MRS2: variants seen among roughly 807,000 people sequenced by gnomAD.
MRS2 encodes magnesium transporter MRS2, also known as magnesium transporter MRS2 homolog, mitochondrial.
Under a neutral mutation model 52.6 loss-of-function variants are expected in MRS2, and 40 were observed. The observed-to-expected ratio is 0.76, with a 90% CI of 0.59 to 0.99. The LOEUF (loss-of-function observed/expected upper bound fraction) is 0.99. MRS2 is among the 50% of genes least tolerant of loss of function. The probability of loss-of-function intolerance (pLI) is 0.00; values close to 1 mark genes in which losing one functional copy is unlikely to be tolerated. For synonymous variants in MRS2, 193 were observed against 195.9 expected (o/e 0.98, Z 0.13); for missense variants, 472 against 532.7 (o/e 0.89, Z 1.12).
chr6:24,423,596 C>A lies in MRS2; in HGVS notation c.1234C>A (p.Pro412Thr). ...APLPPMMASL[P>T]KKTLLADRSM... is the part of the protein sequence containing the mutation. ...CTGCTTTATTTAGATGGCTTCTTTA[C>A]CTAAAAAGACTCTTCTGGCAGATAG... Residue 412 changes from proline (P) to threonine (T), a missense_variant, in exon 11 of 11, where the codon CCT becomes ACT. Transcript: ENST00000378386. 6.3e-7 allele frequency: 1 copy of A among 1,596,550 alleles called. No individual in the cohort carries two copies. Among genetic ancestry groups the A allele is most frequent in the Non-Finnish European group, 8.6e-7 (1 of 1,166,206 alleles).
Position 24,424,320 on chromosome 6 carries a change from C to CTT in MRS2, c.*628_*629dup, listed in dbSNP as rs1762156694. The CTT allele has an allele frequency of 1.3e-5, 2 of 151,308 alleles. No individual in the cohort carries two copies. The highest frequency in any genetic ancestry group is 2.9e-5 in the Non-Finnish European group (2 of 68,014). The allele number at this position is 151,308 out of a possible 1,614,324, so 9.4% of individuals were successfully genotyped here. On this transcript the variant is annotated 3_prime_UTR_variant, in exon 11 of 11. Coordinates refer to ENST00000378386, the MANE Select transcript of MRS2 (RefSeq NM_020662.4). Reference sequence around the variant, plus strand: ...GTTCTCAGCCCCTGAGACTAGTTTTCTTTGCTCTCTGTAATTAGAGCCTTT... The same window carrying CTT: ...GTTCTCAGCCCCTGAGACTAGTTTTCTTTTTGCTCTCTGTAATTAGAGCCTTT...
intron 9 of MRS2, among the ~76,000 whole-genome samples, chr6:24,422,064 C>T (rs111608618): frequency 0.012 from 1,753 of 152,284 alleles, 11 homozygotes; most frequent in Middle Eastern, 0.024. Context: ...GCACAAGAAT[C>T]GCTTGAATCA....
intron 10 of MRS2, 66 bp downstream of exon 10, chr6:24,423,116 C>A: frequency 7.6e-7 from 1 of 1,311,928 alleles, no homozygotes; most frequent in Non-Finnish European, 1.1e-6. Context: ...AAAGTCAGAG[C>A]GCCTGGGATT....
Position 24,406,037 on chromosome 6 carries a change from G to A in MRS2, c.264+796G>A, listed in dbSNP as rs543413518. ...GGAGAATGGCATGAACCCAGGAGGCGGAGCTTGCAGTGAGCCTGGATCATG... is the reference window on the plus strand; with the variant it reads ...GGAGAATGGCATGAACCCAGGAGGCAGAGCTTGCAGTGAGCCTGGATCATG... On this transcript the variant is annotated intron_variant, in intron 2 of 10. Transcript: ENST00000378386. Among the ~76,000 whole-genome samples, 41 of 150,604 alleles carry A rather than the reference G, an allele frequency of 2.7e-4. No homozygotes were observed. The South Asian group carries it at 6.8e-3, about 25-fold the overall frequency.
At chr6:24,406,797 C>T (rs1761491086) in intron 2 of MRS2, among the ~76,000 whole-genome samples, 1 of 152,042 alleles carries the variant, frequency 6.6e-6, no homozygotes, top group East Asian at 1.9e-4. Flanking sequence ...CAAAGTCAAA[C>T]GTGAAATACT....
intron 4 of MRS2, among the ~76,000 whole-genome samples, chr6:24,411,516 T>C (rs1330707035): frequency 6.6e-6 from 1 of 151,760 alleles, no homozygotes; most frequent in Non-Finnish European, 1.5e-5. Flanking sequence ...GAAGACCTTA[T>C]CTTGTTCCCT....
intron 4 of MRS2, among the ~76,000 whole-genome samples, chr6:24,411,309 A>G (rs1333487159): frequency 6.6e-6 from 1 of 152,210 alleles, no homozygotes; most frequent in Non-Finnish European, 1.5e-5. Flanking sequence ...TTTAACATAC[A>G]AGATAACCAG....
At chr6:24,414,086 GATTTT>G (rs1761756491) in intron 5 of MRS2, among the ~76,000 whole-genome samples, 1 of 151,860 alleles carries the variant, frequency 6.6e-6, no homozygotes, top group South Asian at 2.1e-4. Flanking sequence ...AATAATAGCA[GATTTT>G]ATTTTACTTG....
chr6:24,420,299 G>A (rs1016818287), intron 9 of MRS2, among the ~76,000 whole-genome samples: 2 of 152,134 alleles, frequency 1.3e-5, no homozygotes, highest in Non-Finnish European at 2.9e-5. Context: ...GCCCAGTAAA[G>A]TTACTTTGTC....
intron 4 of MRS2, among the ~76,000 whole-genome samples, chr6:24,410,219 T>A (rs540394031): frequency 2.6e-4 from 40 of 152,318 alleles, no homozygotes; most frequent in Non-Finnish European, 4.7e-4. Context: ...CCTCAGGTGA[T>A]CCACCTGCCT....
In MRS2 at chr6:24,423,050, G is replaced by T; in HGVS notation, c.1221G>T (p.Met407Ile). ...GRQLEAPLPP[M>I]MASLPKKTLL... ...AGCTAGAAGCTCCATTGCCTCCTAT[G>T]GTATGAAGGATATGGTTCACGGCGG... Residue 407 changes from methionine to isoleucine, a missense_variant and splice_region_variant, in exon 10 of 11, where the codon ATG becomes ATT. Coordinates refer to ENST00000378386, the MANE Select transcript of MRS2 (RefSeq NM_020662.4). 1 of 1,611,502 alleles carries T rather than the reference G, an allele frequency of 6.2e-7. No homozygotes were observed. The highest frequency in any genetic ancestry group is 1.1e-5 in the South Asian group (1 of 90,986).
At chr6:24,410,560 C>T (rs1446420825) in intron 4 of MRS2, among the ~76,000 whole-genome samples, 1 of 151,922 alleles carries the variant, frequency 6.6e-6, no homozygotes, top group African/African-American at 2.4e-5. Flanking sequence ...GTAGCATGTG[C>T]CTTTAGTCCC....
intron 4 of MRS2, among the ~76,000 whole-genome samples, chr6:24,410,968 C>T (rs1761628876): frequency 6.6e-6 from 1 of 152,104 alleles, no homozygotes; most frequent in African/African-American, 2.4e-5. Context: ...AGGGGTGGAT[C>T]ACCTGAGGTC....
intron 4 of MRS2, among the ~76,000 whole-genome samples, chr6:24,411,494 C>G (rs1372146862): frequency 2.0e-5 from 3 of 152,086 alleles, no homozygotes. Context: ...CTGCTCAATA[C>G]CTGACTTTTA....
At position 24,405,071 on chromosome 6, in the gene MRS2, A is replaced by G. The variant is rs183980255; in HGVS notation, c.191-97A>G. The G allele has an allele frequency of 8.6e-4, 619 of 717,070 alleles. 3 individuals are homozygous for G. Among genetic ancestry groups the G allele is most frequent in the Non-Finnish European group, 9.1e-4 (383 of 420,308 alleles). 44.4% of individuals were successfully genotyped at this position (717,070 alleles called of 1,614,324 possible). Reference sequence around the variant, plus strand: ...AGGAAAAATATTTAAAAATAATAAAATAGTCTGAAGGCCTCCACATACTTT... The same window carrying G: ...AGGAAAAATATTTAAAAATAATAAAGTAGTCTGAAGGCCTCCACATACTTT... On this transcript the variant is annotated intron_variant, in intron 1 of 10. Coordinates refer to ENST00000378386, the MANE Select transcript of MRS2 (RefSeq NM_020662.4).
At chr6:24,409,638 T>C in intron 4 of MRS2, 65 bp downstream of exon 4, 2 of 988,694 alleles carry the variant, frequency 2.0e-6, no homozygotes, top group Non-Finnish European at 3.1e-6. Context: ...CTTCTAACTA[T>C]CTTGATTAGT....
At chr6:24,423,134 C>G in intron 10 of MRS2, 84 bp downstream of exon 10, 1 of 1,088,094 alleles carries the variant, frequency 9.2e-7, no homozygotes. Flanking sequence ...ATTAAGTTGT[C>G]ACAGGCACTA....
chr6:24,415,568 A>C (rs1012038634), intron 6 of MRS2, among the ~76,000 whole-genome samples: 1 of 152,240 alleles, frequency 6.6e-6, no homozygotes, highest in Non-Finnish European at 1.5e-5. Flanking sequence ...AAATAGAATA[A>C]ACATGCTCTC....
In MRS2 at chr6:24,412,283, T is replaced by G; in HGVS notation, c.476T>G (p.Leu159Ter). 6.2e-7 allele frequency: 1 copy of G among 1,607,580 alleles called. No homozygotes were observed. The highest frequency in any genetic ancestry group is 8.5e-7 in the Non-Finnish European group (1 of 1,177,216). The change falls in exon 5 of 11, where the codon TTA becomes TGA. Residue 159 changes from leucine (L) to a stop codon, truncating the protein, a stop_gained. Transcript: ENST00000378386. LOFTEE classifies it high-confidence loss of function. ...LLILDYRNLN[L>*]EQWLFRELPS... ...ATATTAGATTATCGTAATTTAAACTTAGAGCAATGGCTGTTCCGGGAACTC... is the reference window on the plus strand; with the variant it reads ...ATATTAGATTATCGTAATTTAAACTGAGAGCAATGGCTGTTCCGGGAACTC...
Sources: allele counts gnomAD v4.1 joint callset (sites outside exome capture counted in the v4.1 genomes callset), GRCh38; gene constraint gnomAD v4.1.1; transcripts MANE v1.5; gene names NCBI Gene and HGNC (gene_info 2026-07-23, HGNC 2026-07-21).